The following SH3RF1 variants were observed in gnomAD, a reference collection of about 807,000 sequenced individuals.
SH3RF1 encodes SH3 domain containing ring finger 1.
Under a neutral mutation model 74.0 loss-of-function variants are expected in SH3RF1, and 32 were observed. That is an observed-to-expected ratio of 0.43 (90% confidence interval 0.33 to 0.58). The LOEUF (loss-of-function observed/expected upper bound fraction) is 0.58. SH3RF1 is among the 20% of genes least tolerant of loss of function. The pLI, the probability that SH3RF1 is intolerant of heterozygous loss-of-function variation, is 0.05. For missense variants in SH3RF1, 954 were observed against 1,130.9 expected (o/e 0.84, Z 2.24); for synonymous variants, 396 against 439.6 (o/e 0.90, Z 1.24).
chr4:169,245,075 T>G (rs1034714218), intron 2 of SH3RF1, among the ~76,000 whole-genome samples: 1 of 152,174 alleles, frequency 6.6e-6, no homozygotes, highest in Non-Finnish European at 1.5e-5. Context: ...AAATAATATA[T>G]CTATCATGCT....
chr4:169,130,169 G>T lies in SH3RF1; in HGVS notation c.1069-13C>A. On this transcript the variant is annotated splice_polypyrimidine_tract_variant and intron_variant, in intron 5 of 11. Transcript: ENST00000284637. ...TACTTATATGAACCTGCCGAGAAAA[G>T]AAAAGTTATTAAAAAGAAGACTATG... 6.6e-7 allele frequency: 1 copy of T among 1,524,232 alleles called. No individual in the cohort carries two copies. The highest frequency in any genetic ancestry group is 2.4e-5 in the East Asian group (1 of 42,068). 94.4% of individuals were successfully genotyped at this position (1,524,232 alleles called of 1,614,324 possible).
At chr4:169,172,637 C>T (rs1037872353) in intron 2 of SH3RF1, among the ~76,000 whole-genome samples, 1 of 152,242 alleles carries the variant, frequency 6.6e-6, no homozygotes, top group Middle Eastern at 3.4e-3. Flanking sequence ...TTATGGTTCA[C>T]ATTAGGTGTC....
chr4:169,231,561 G>A (rs549996335), intron 2 of SH3RF1, among the ~76,000 whole-genome samples: 16 of 151,748 alleles, frequency 1.1e-4, no homozygotes, highest in African/African-American at 2.4e-4. Flanking sequence ...GCGAGACTCC[G>A]TCTCAAAAAA....
chr4:169,231,844 C>T (rs183221983), intron 2 of SH3RF1, among the ~76,000 whole-genome samples: 10 of 152,310 alleles, frequency 6.6e-5, no homozygotes, highest in African/African-American at 2.2e-4. Flanking sequence ...TACTGTTTGA[C>T]ATTAGACATT....
intron 2 of SH3RF1, among the ~76,000 whole-genome samples, chr4:169,219,117 A>G (rs569928661): frequency 6.6e-6 from 1 of 152,296 alleles, no homozygotes; most frequent in East Asian, 1.9e-4. Context: ...CAACTCACAA[A>G]AAAATTACAA....
rs1310552877 is a variant in SH3RF1 at position 169,117,634 on chromosome 4, G to A, written c.1666C>T (p.Pro556Ser). The A allele has an allele frequency of 1.2e-6, 2 of 1,614,076 alleles. No individual in the cohort carries two copies. The highest frequency in any genetic ancestry group is 2.7e-5 in the African/African-American group (2 of 74,920). ...NGVAGSPSVV[P>S]AAVVSAAHIQ... Reference sequence around the variant, plus strand: ...TGAGCTGCTGATACCACAGCTGCGGGGACAACACTGGGACTCCCAGCCACG... The same window carrying A: ...TGAGCTGCTGATACCACAGCTGCGGAGACAACACTGGGACTCCCAGCCACG... Residue 556 changes from proline to serine, a missense_variant, in exon 9 of 12, where the codon CCC (proline) becomes TCC (serine). By Grantham distance (74) the Pro-to-Ser change is moderately conservative (BLOSUM62 -1). Around this residue, in one of 3 missense-constraint regions of SH3RF1, gnomAD observed 854 missense variants for 962.5 expected, o/e 0.89. Coordinates refer to ENST00000284637, the MANE Select transcript of SH3RF1 (RefSeq NM_020870.4).
rs758564118 is a variant in SH3RF1 at position 169,122,152 on chromosome 4, C to T, written c.1294G>A (p.Ala432Thr). 2.5e-6 allele frequency: 4 copies of T among 1,613,256 alleles called. No homozygotes were observed. The highest frequency in any genetic ancestry group is 3.4e-6 in the Non-Finnish European group (4 of 1,180,022). ...AAAGMGPRPM[A>T]GSTDQIAHLR... ...TGTGCAATCTGGTCAGTGGATCCTG[C>T]CATGGGCCTCGGTCCCATTCCAGCA... The change falls in exon 7 of 12, where the codon GCA (alanine) becomes ACA (threonine). Residue 432 changes from alanine (A) to threonine (T), a missense_variant. Coordinates refer to ENST00000284637, the MANE Select transcript of SH3RF1 (RefSeq NM_020870.4).
At chr4:169,161,464 A>G (rs955609188) in intron 2 of SH3RF1, among the ~76,000 whole-genome samples, 1 of 152,226 alleles carries the variant, frequency 6.6e-6, no homozygotes, top group African/African-American at 2.4e-5. Flanking sequence ...CCATACCATC[A>G]GCGGTATTCC....
chr4:169,155,636 T>C, intron 3 of SH3RF1, 61 bp from the exon 4 acceptor site: 3 of 1,277,840 alleles, frequency 2.3e-6, no homozygotes, highest in Non-Finnish European at 3.4e-6. Flanking sequence ...AAGCTTGTCA[T>C]TTAATTTTCC....
At chr4:169,171,218 C>T (rs147389124) in intron 2 of SH3RF1, among the ~76,000 whole-genome samples, 1 of 152,310 alleles carries the variant, frequency 6.6e-6, no homozygotes, top group East Asian at 1.9e-4. Flanking sequence ...CTGTACCTCA[C>T]TTCTGTTTTC....
intron 8 of SH3RF1, among the ~76,000 whole-genome samples, chr4:169,119,129 A>G (rs1253175087): frequency 6.6e-6 from 1 of 151,856 alleles, no homozygotes; most frequent in East Asian, 1.9e-4. Context: ...CTTAGGATGG[A>G]GTCTTGCTCT....
intron 2 of SH3RF1, among the ~76,000 whole-genome samples, chr4:169,164,995 T>C (rs7675937): frequency 0.32 from 48,416 of 152,066 alleles, 8,016 homozygotes; most frequent in African/African-American, 0.4. Context: ...TGTCACTCAT[T>C]GCCTTGAATA....
intron 2 of SH3RF1, chr4:169,204,008 C>T (rs1407356171): frequency 2.0e-5 from 3 of 152,196 alleles, no homozygotes; most frequent in African/African-American, 7.2e-5. Flanking sequence ...AATCTTGGCA[C>T]ATCGAAGGCA....
intron 2 of SH3RF1, among the ~76,000 whole-genome samples, chr4:169,239,265 A>G (rs1265915358): frequency 6.6e-6 from 1 of 152,202 alleles, no homozygotes; most frequent in Non-Finnish European, 1.5e-5. Flanking sequence ...ATATTTTTGT[A>G]ACCATTGCAT....
intron 10 of SH3RF1, among the ~76,000 whole-genome samples, chr4:169,109,743 C>T (rs1490539558): frequency 6.6e-6 from 1 of 152,128 alleles, no homozygotes; most frequent in East Asian, 1.9e-4. Context: ...GGCACAGTGG[C>T]TCACACCTGT....
chr4:169,205,666 C>T (rs1730243791), intron 2 of SH3RF1, among the ~76,000 whole-genome samples: 1 of 152,130 alleles, frequency 6.6e-6, no homozygotes, highest in African/African-American at 2.4e-5. Context: ...CTGGAAGGAG[C>T]CCAATGAATG....
At position 169,143,996 on chromosome 4, in the gene SH3RF1, C is replaced by T. The variant is rs115311105; in HGVS notation, c.766-7376G>A. Among the ~76,000 whole-genome samples, 396 of 152,240 alleles carry T rather than the reference C, an allele frequency of 2.6e-3. 5 individuals carry two copies. Among genetic ancestry groups the T allele is most frequent in the African/African-American group, 9.2e-3 (382 of 41,546 alleles). ...ACAGGAAAAGCCCTGAACTTCACACCGAAAGGTTTAGGTTAGAGTTAGGTC... is the reference window on the plus strand; with the variant it reads ...ACAGGAAAAGCCCTGAACTTCACACTGAAAGGTTTAGGTTAGAGTTAGGTC... On this transcript the variant is annotated intron_variant, in intron 4 of 11. Coordinates refer to ENST00000284637, the MANE Select transcript of SH3RF1 (RefSeq NM_020870.4).
In SH3RF1 at chr4:169,136,614, A is replaced by G. The variant is rs758263806; in HGVS notation, c.772T>C (p.Ser258Pro). The G allele has an allele frequency of 1.3e-6, 2 of 1,510,380 alleles. No individual in the cohort carries two copies. The highest frequency in any genetic ancestry group is 4.8e-5 in the East Asian group (2 of 42,088). The allele number at this position is 1,510,380 out of a possible 1,614,324, so 93.6% of individuals were successfully genotyped here. ...IFPISYVEFN[S>P]AAKQLIEWDK... ...CATTCTATCAGCTGCTTAGCAGCCGAGTTAAACTGCAAAAGCAACCAACAA... is the reference window on the plus strand; with the variant it reads ...CATTCTATCAGCTGCTTAGCAGCCGGGTTAAACTGCAAAAGCAACCAACAA... The change falls in exon 5 of 12, where the codon TCG (serine) becomes CCG (proline). Residue 258 changes from serine to proline, a missense_variant. Around this residue, in one of 3 missense-constraint regions of SH3RF1, gnomAD observed 854 missense variants for 962.5 expected, o/e 0.89. Transcript: ENST00000284637.
intron 2 of SH3RF1, among the ~76,000 whole-genome samples, chr4:169,256,947 C>A (rs1487180013): frequency 6.6e-6 from 1 of 152,142 alleles, no homozygotes; most frequent in African/African-American, 2.4e-5. Flanking sequence ...ATTAAAAGTT[C>A]TAATTTCTAG....
Sources: allele counts gnomAD v4.1 joint callset (sites outside exome capture counted in the v4.1 genomes callset), GRCh38; gene constraint gnomAD v4.1.1; regional missense constraint gnomAD v4.1.1; transcripts MANE v1.5; gene names NCBI Gene and HGNC (gene_info 2026-07-23, HGNC 2026-07-21).